The following LMCD1 variants were observed in gnomAD, a reference collection of about 807,000 sequenced individuals.
The protein encoded by LMCD1 is LIM and cysteine-rich domains protein 1.
Under a neutral mutation model 42.7 loss-of-function variants are expected in LMCD1, and 32 were observed. The observed-to-expected ratio is 0.75, with a 90% confidence interval of 0.57 to 1.01. The LOEUF (loss-of-function observed/expected upper bound fraction) is 1.01, where lower values mean the gene tolerates loss of function less well. Ranked by LOEUF, LMCD1 falls within the 50% of genes least tolerant of loss-of-function variation. The pLI is 0.00. For synonymous variants in LMCD1, 178 were observed against 184.9 expected (o/e 0.96, Z 0.30); for missense variants, 458 against 483.1 (o/e 0.95, Z 0.49).
At chr3:8,540,844 G>A (rs1026139297) in intron 3 of LMCD1, among the ~76,000 whole-genome samples, 9 of 152,156 alleles carry the variant, frequency 5.9e-5, no homozygotes, top group Admixed American at 3.3e-4. Context: ...ACAGAGGCCC[G>A]TGAGGAGCCA....
intron 1 of LMCD1, among the ~76,000 whole-genome samples, chr3:8,530,090 T>C (rs1694384095): frequency 6.6e-6 from 1 of 152,166 alleles, no homozygotes; most frequent in Non-Finnish European, 1.5e-5. Flanking sequence ...GCTCTCTACC[T>C]CACTTCTTGC....
At chr3:8,505,097 G>A (rs778953710) in intron 1 of LMCD1, among the ~76,000 whole-genome samples, 3 of 152,202 alleles carry the variant, frequency 2.0e-5, no homozygotes, top group African/African-American at 4.8e-5. Context: ...GGCACTCAGA[G>A]TTAGCCATGG....
rs200913117 is a variant in LMCD1 at position 8,537,179 on chromosome 3, C to A, written c.132-6C>A. 6.2e-7 allele frequency: 1 copy of A among 1,612,932 alleles called. No individual in the cohort carries two copies. Among genetic ancestry groups the A allele is most frequent in the African/African-American group, 1.3e-5 (1 of 75,016 alleles). ...ATCTCACTGGTCCCCATCCACCCAC[C>A]CCCAGGAAAATATGCAAGTCTTGCA... On this transcript the variant is annotated splice_region_variant and splice_polypyrimidine_tract_variant and intron_variant, in intron 2 of 5. Transcript: ENST00000157600.
chr3:8,565,331 A>G (rs1695108272), intron 4 of LMCD1, 101 bp from the exon 5 acceptor site: 2 of 1,021,872 alleles, frequency 2.0e-6, no homozygotes, highest in East Asian at 4.8e-5. Context: ...GACTTGCCCA[A>G]GGTCACCCAG....
chr3:8,524,173 C>T (rs958587652), intron 1 of LMCD1, among the ~76,000 whole-genome samples: 1 of 149,980 alleles, frequency 6.7e-6, no homozygotes, highest in African/African-American at 2.5e-5. Flanking sequence ...GGCCAGGGCA[C>T]TCCCCAGAAA....
rs766943383 is a variant in LMCD1 at position 8,532,836 on chromosome 3, T to G, written c.131+11T>G. 1.2e-6 allele frequency: 2 copies of G among 1,610,642 alleles called. No homozygotes were observed. Among genetic ancestry groups the G allele is most frequent in the Non-Finnish European group, 1.7e-6 (2 of 1,177,144 alleles). ...GCCACATTCATGGAGGTAACAGATT[T>G]TGTCAGGAGGGTCCCTGTCTGCCTT... On this transcript the variant is annotated intron_variant, in intron 2 of 5. Coordinates refer to ENST00000157600, the MANE Select transcript of LMCD1 (RefSeq NM_014583.4).
chr3:8,506,451 TTG>T (rs1481165266), intron 1 of LMCD1, among the ~76,000 whole-genome samples: 1 of 152,106 alleles, frequency 6.6e-6, no homozygotes, highest in Non-Finnish European at 1.5e-5. Context: ...ACACAGGCTT[TTG>T]TGTGTGTCTT....
chr3:8,502,049 G>C, intron 1 of LMCD1, 69 bp downstream of exon 1: 20 of 1,447,924 alleles, frequency 1.4e-5, no homozygotes, highest in Non-Finnish European at 1.8e-5. Context: ...ATCTGTTCGC[G>C]GAAACTTCCC....
chr3:8,516,596 A>C (rs1275747371), intron 1 of LMCD1, among the ~76,000 whole-genome samples: 4 of 152,216 alleles, frequency 2.6e-5, no homozygotes, highest in African/African-American at 4.8e-5. Flanking sequence ...TCCTTTAAAA[A>C]AAAAATGCTT....
At position 8,571,257 on chromosome 3, in the gene LMCD1, A is replaced by G. The variant is rs1286741070; in HGVS notation, c.*3659A>G. ...TGAAAGCCTTCCCCTATGAACTTCT[A>G]AAGAATAATCGTATTATCTTTATTT... On this transcript the variant is annotated 3_prime_UTR_variant, in exon 6 of 6. Coordinates refer to ENST00000157600, the MANE Select transcript of LMCD1 (RefSeq NM_014583.4). 2 of 152,254 alleles carry G rather than the reference A, an allele frequency of 1.3e-5. No homozygotes were observed. The allele number at this position is 152,254 out of a possible 1,614,324, so 9.4% of individuals were successfully genotyped here.
intron 5 of LMCD1, 43 bp downstream of exon 5, chr3:8,565,690 C>T (rs1695121549): frequency 1.3e-6 from 2 of 1,519,998 alleles, no homozygotes; most frequent in Non-Finnish European, 8.9e-7. Flanking sequence ...TTGAGGGACA[C>T]TGCTGAGGGT....
rs1695252797 is a variant in LMCD1, at chr3:8,573,489, G to A, written c.*5891G>A. On this transcript the variant is annotated 3_prime_UTR_variant, in exon 6 of 6. Transcript: ENST00000157600. ...TTGACTCGCTGGGTTATCAGGCTTT[G>A]GCTCCAAATGTTTGGCTTCAAATAT... 1 of 152,168 alleles carries A rather than the reference G, an allele frequency of 6.6e-6. No homozygotes were observed. The highest frequency in any genetic ancestry group is 6.5e-5 in the Admixed American group (1 of 15,276). 9.4% of individuals were successfully genotyped at this position (152,168 alleles called of 1,614,324 possible).
chr3:8,564,648 C>T (rs1695096241), intron 4 of LMCD1, among the ~76,000 whole-genome samples: 1 of 152,142 alleles, frequency 6.6e-6, no homozygotes, highest in African/African-American at 2.4e-5. Context: ...GCAAGGTAAA[C>T]AAACAGGTTT....
intron 1 of LMCD1, among the ~76,000 whole-genome samples, chr3:8,502,303 T>TTTTATATAATATATATTATATATAA: frequency 1.0e-3 from 23 of 22,642 alleles, no homozygotes; most frequent in African/African-American, 2.0e-3. Flanking sequence ...ATATTATATA[T>TTTTATATAATATATATTATATATAA]AATATATAAA....
At chr3:8,559,007 C>T (rs1470109894) in intron 4 of LMCD1, among the ~76,000 whole-genome samples, 1 of 147,966 alleles carries the variant, frequency 6.8e-6, no homozygotes, top group South Asian at 2.3e-4. Context: ...GAGGCAGGCT[C>T]AACCCTGAGA....
chr3:8,514,119 A>G (rs1694054196), intron 1 of LMCD1, among the ~76,000 whole-genome samples: 1 of 152,198 alleles, frequency 6.6e-6, no homozygotes, highest in Non-Finnish European at 1.5e-5. Flanking sequence ...ATACATACAT[A>G]CATACATAGA....
At chr3:8,532,654 G>C (rs1694433995) in intron 1 of LMCD1, 83 bp from the exon 2 acceptor site, 1 of 1,165,780 alleles carries the variant, frequency 8.6e-7, no homozygotes, top group Non-Finnish European at 1.3e-6. Flanking sequence ...CCCTTTGCCA[G>C]CACGCCAAGT....
intron 3 of LMCD1, among the ~76,000 whole-genome samples, chr3:8,543,790 C>G (rs2125029100): frequency 6.6e-6 from 1 of 152,318 alleles, no homozygotes; most frequent in South Asian, 2.1e-4. Flanking sequence ...CTAGGGCTCT[C>G]CAGACCTCCT....
chr3:8,528,749 G>A (rs1374825025), intron 1 of LMCD1, among the ~76,000 whole-genome samples: 1 of 151,980 alleles, frequency 6.6e-6, no homozygotes, highest in African/African-American at 2.4e-5. Flanking sequence ...ACCCTACATT[G>A]TTCTTGGTGA....
Sources: gnomAD v4.1 joint callset for allele counts (sites outside exome capture counted in the v4.1 genomes callset) on GRCh38, gnomAD v4.1.1 for gene constraint, MANE v1.5 for transcripts, NCBI Gene and HGNC (gene_info 2026-07-23, HGNC 2026-07-21) for gene names.